ACOXL: variants seen among roughly 807,000 people sequenced by gnomAD.
ACOXL encodes acyl-CoA oxidase like.
A neutral mutation model predicts 71.9 loss-of-function variants in ACOXL; 70 were observed. That is an observed-to-expected ratio of 0.97 (90% CI 0.80 to 1.19). The LOEUF (loss-of-function observed/expected upper bound fraction) is 1.19. Among genes scored for constraint, ACOXL ranks in the 50% most tolerant of loss-of-function variants. ACOXL has a pLI of 0.00. For synonymous variants in ACOXL, 253 were observed against 281.6 expected (o/e 0.90, Z 1.02); for missense variants, 703 against 736.3 (o/e 0.95, Z 0.52).
intron 9 of ACOXL, among the ~76,000 whole-genome samples, chr2:110,809,562 G>A (rs1253786640): frequency 6.6e-6 from 1 of 152,292 alleles, no homozygotes; most frequent in East Asian, 1.9e-4. Context: ...TGGCTTCAGG[G>A]GATTCTCAGA....
At chr2:110,845,000 A>C (rs965416278) in intron 10 of ACOXL, among the ~76,000 whole-genome samples, 9 of 152,200 alleles carry the variant, frequency 5.9e-5, no homozygotes, top group Non-Finnish European at 1.2e-4. Flanking sequence ...TCTATCCTTT[A>C]GTCGATTACT....
At chr2:110,942,726 TAA>T (rs373579252) in intron 12 of ACOXL, among the ~76,000 whole-genome samples, 5 of 139,614 alleles carry the variant, frequency 3.6e-5, no homozygotes, top group African/African-American at 8.0e-5. Flanking sequence ...CCATCTCTAC[TAA>T]AAAAAAAAAA....
intron 10 of ACOXL, among the ~76,000 whole-genome samples, chr2:110,857,696 T>C (rs1172463861): frequency 6.6e-6 from 1 of 152,144 alleles, no homozygotes; most frequent in Admixed American, 6.5e-5. Flanking sequence ...TATTTATTTA[T>C]TTATTTTTAA....
In ACOXL at chr2:110,829,181, T is replaced by C. The variant is rs1355511284; in HGVS notation, c.754-12190T>C. ...GAGTATTTTCCTGTATGTTTGATAC[T>C]TGTTATATTTCGTTGTTTCGTGACT... On this transcript the variant is annotated intron_variant, in intron 9 of 17. Transcript: ENST00000439055. Among the ~76,000 whole-genome samples, 3 of 152,242 alleles carry C rather than the reference T, an allele frequency of 2.0e-5. No individual in the cohort carries two copies. In the East Asian group the frequency reaches 5.8e-4, roughly 29 times the overall value.
At chr2:111,014,724 C>T (rs1272411118) in intron 14 of ACOXL, among the ~76,000 whole-genome samples, 1 of 152,190 alleles carries the variant, frequency 6.6e-6, no homozygotes, top group Non-Finnish European at 1.5e-5. Flanking sequence ...GATTTCAAAG[C>T]TTGTGCTAAT....
At chr2:111,069,719 A>G (rs1021878999) in intron 16 of ACOXL, among the ~76,000 whole-genome samples, 4 of 152,248 alleles carry the variant, frequency 2.6e-5, no homozygotes, top group African/African-American at 9.6e-5. Context: ...TTTGGATTTT[A>G]AAAAAAGTCA....
chr2:111,013,031 G>A (rs1574482326), intron 14 of ACOXL, among the ~76,000 whole-genome samples: 1 of 152,074 alleles, frequency 6.6e-6, no homozygotes, highest in Admixed American at 6.5e-5. Context: ...AAAATTTCTT[G>A]ATCCCTAGCA....
chr2:110,839,708 G>A (rs1573772776), intron 9 of ACOXL, among the ~76,000 whole-genome samples: 1 of 152,130 alleles, frequency 6.6e-6, no homozygotes, highest in East Asian at 1.9e-4. Context: ...GGGGGATTCT[G>A]CAGGACGTCG....
At chr2:110,739,908 A>G (rs1187843030) in intron 1 of ACOXL, among the ~76,000 whole-genome samples, 1 of 152,214 alleles carries the variant, frequency 6.6e-6, no homozygotes, top group African/African-American at 2.4e-5. Flanking sequence ...TGGTTGGTCC[A>G]CGTGGTTTTA....
chr2:110,779,756 A>G (rs958251880), intron 2 of ACOXL, among the ~76,000 whole-genome samples: 32 of 152,264 alleles, frequency 2.1e-4, no homozygotes, highest in African/African-American at 7.0e-4. Flanking sequence ...AGATAAGCAT[A>G]TGGGAAGAAA....
At chr2:110,840,488 A>G (rs1439872374) in intron 9 of ACOXL, among the ~76,000 whole-genome samples, 1 of 152,220 alleles carries the variant, frequency 6.6e-6, no homozygotes, top group Non-Finnish European at 1.5e-5. Flanking sequence ...TCATCCTTAC[A>G]TTAATTCTGT....
At chr2:110,739,205 G>A (rs1467926999) in intron 1 of ACOXL, among the ~76,000 whole-genome samples, 1 of 152,172 alleles carries the variant, frequency 6.6e-6, no homozygotes, top group Non-Finnish European at 1.5e-5. Context: ...CAAATGGCGG[G>A]GTTTGTTGGG....
chr2:110,974,533 T>C (rs530495571), intron 12 of ACOXL, among the ~76,000 whole-genome samples: 1 of 152,340 alleles, frequency 6.6e-6, no homozygotes, highest in Admixed American at 6.5e-5. Flanking sequence ...TCATTAGAGA[T>C]ACACTAAGAC....
intron 12 of ACOXL, among the ~76,000 whole-genome samples, chr2:110,970,451 A>AT (rs1300613711): frequency 6.6e-6 from 1 of 152,166 alleles, no homozygotes; most frequent in Non-Finnish European, 1.5e-5. Flanking sequence ...ACCATTCATG[A>AT]TAAAAACTCA....
chr2:110,922,209 GT>G (rs1489538562), intron 11 of ACOXL, among the ~76,000 whole-genome samples: 3 of 151,934 alleles, frequency 2.0e-5, no homozygotes, highest in African/African-American at 7.3e-5. Context: ...TATTTTGAAA[GT>G]TTTTTTTGGT....
chr2:110,748,440 G>A (rs1678510559), intron 1 of ACOXL, among the ~76,000 whole-genome samples: 1 of 152,118 alleles, frequency 6.6e-6, no homozygotes, highest in Admixed American at 6.5e-5. Context: ...TATCTCCTGA[G>A]TCTTTCTTCC....
At chr2:110,895,746 C>G (rs929560811) in intron 10 of ACOXL, among the ~76,000 whole-genome samples, 8 of 151,898 alleles carry the variant, frequency 5.3e-5, no homozygotes, top group Admixed American at 3.9e-4. Context: ...AAAAAAGTGG[C>G]ATGACATTTT....
intron 12 of ACOXL, chr2:110,968,036 G>A (rs949268671): frequency 1.5e-5 from 16 of 1,093,992 alleles, no homozygotes; most frequent in East Asian, 1.4e-4. Context: ...GCTTATGCCC[G>A]TATAGAGGGG....
intron 12 of ACOXL, among the ~76,000 whole-genome samples, chr2:110,985,251 A>G (rs1022160379): frequency 1.4e-4 from 21 of 152,290 alleles, no homozygotes; most frequent in African/African-American, 5.1e-4. Flanking sequence ...TGATTCTCAC[A>G]CTTACTTTGT....
Sources: allele counts gnomAD v4.1 joint callset (sites outside exome capture counted in the v4.1 genomes callset), GRCh38; gene constraint gnomAD v4.1.1; transcripts MANE v1.5; gene names NCBI Gene and HGNC (gene_info 2026-07-23, HGNC 2026-07-21).